The following FOXN3 variants were observed in gnomAD, a reference collection of about 807,000 sequenced individuals.
FOXN3 encodes forkhead box protein N3.
In FOXN3, 7 loss-of-function variants were observed where a neutral mutation model predicts 38.4. The ratio of observed to expected loss-of-function variants is 0.18; its 90% CI spans 0.10 to 0.34. The LOEUF (loss-of-function observed/expected upper bound fraction) is 0.34. Among genes scored for constraint, FOXN3 ranks in the 10% least tolerant of loss-of-function variants. The probability of loss-of-function intolerance (pLI) is 1.00; values close to 1 mark genes in which losing one functional copy is unlikely to be tolerated. For missense variants in FOXN3, 456 were observed against 613.4 expected (o/e 0.74, Z 2.71); for synonymous variants, 230 against 242.2 (o/e 0.95, Z 0.47).
At chr14:89,525,822 A>C (rs1312817009) in intron 1 of FOXN3, among the ~76,000 whole-genome samples, 2 of 152,192 alleles carry the variant, frequency 1.3e-5, no homozygotes, top group East Asian at 3.8e-4. Flanking sequence ...TAGACAAGAA[A>C]ACTAAAAACC....
At chr14:89,458,259 G>A (rs542031498) in intron 1 of FOXN3, among the ~76,000 whole-genome samples, 28 of 152,262 alleles carry the variant, frequency 1.8e-4, no homozygotes, top group African/African-American at 6.3e-4. Context: ...CTTGTCATCC[G>A]AATCATTTCC....
rs867578273 is a variant in FOXN3, at chr14:89,293,817, C to T, written c.681-12803G>A. 2.0e-5 allele frequency among the ~76,000 whole-genome samples: 3 copies of T among 152,134 alleles called. No homozygotes were observed. The South Asian group carries it at 6.2e-4, about 32-fold the overall frequency. On this transcript the variant is annotated intron_variant, in intron 3 of 5. Coordinates refer to ENST00000557258, the MANE Select transcript of FOXN3 (RefSeq NM_005197.4). ...TGGCTATTTCCCTTCCACATGCAGT[C>T]TCTCCAGGCTATACCAAGACACCTG... is the stretch of plus-strand genomic sequence containing the variant.
intron 4 of FOXN3, among the ~76,000 whole-genome samples, chr14:89,250,985 T>C (rs1467154360): frequency 6.6e-6 from 1 of 152,178 alleles, no homozygotes; most frequent in Non-Finnish European, 1.5e-5. Context: ...CTTTATAAAT[T>C]ACTCAGTCTC....
chr14:89,552,786 G>C (rs541802475), intron 1 of FOXN3, among the ~76,000 whole-genome samples: 71 of 152,244 alleles, frequency 4.7e-4, no homozygotes, highest in African/African-American at 1.6e-3. Flanking sequence ...TTGAACCCAG[G>C]AGACGGAGGT....
At chr14:89,588,697 T>C (rs1264929172) in intron 1 of FOXN3, among the ~76,000 whole-genome samples, 2 of 152,226 alleles carry the variant, frequency 1.3e-5, no homozygotes, top group Admixed American at 6.5e-5. Context: ...ACCTGGATGG[T>C]AGCTCTCCTA....
chr14:89,397,084 C>T (rs1891118778), intron 2 of FOXN3, among the ~76,000 whole-genome samples: 1 of 152,082 alleles, frequency 6.6e-6, no homozygotes, highest in South Asian at 2.1e-4. Context: ...GACATATACA[C>T]CATGGAATAC....
chr14:89,471,005 ACAATCC>A (rs543649609), intron 1 of FOXN3, among the ~76,000 whole-genome samples: 136 of 152,340 alleles, frequency 8.9e-4, no homozygotes, highest in African/African-American at 3.1e-3. Context: ...AAACACTGGG[ACAATCC>A]ACAGTGAACA....
intron 4 of FOXN3, among the ~76,000 whole-genome samples, chr14:89,182,623 G>A (rs1226763517): frequency 6.6e-6 from 1 of 152,122 alleles, no homozygotes; most frequent in Non-Finnish European, 1.5e-5. Context: ...GTTAGAATGT[G>A]GTATGCAGCG....
intron 3 of FOXN3, among the ~76,000 whole-genome samples, chr14:89,332,749 T>C (rs1401667680): frequency 6.6e-6 from 1 of 152,082 alleles, no homozygotes; most frequent in Non-Finnish European, 1.5e-5. Flanking sequence ...GGAAATAGTC[T>C]ACAAAATGAA....
chr14:89,405,414 A>T (rs1891362972), intron 2 of FOXN3, among the ~76,000 whole-genome samples: 1 of 152,078 alleles, frequency 6.6e-6, no homozygotes, highest in Non-Finnish European at 1.5e-5. Context: ...GGGATTACAG[A>T]CGTGAGCCAC....
rs537590927 is a variant in FOXN3 at position 89,378,738 on chromosome 14, C to T, written c.544-27930G>A. Reference sequence around the variant, plus strand: ...TTTTTTTTTTTGAGACAGAGTCTCACGCTCTGCAGCCCAAGCTGGAGTGAG... The same window carrying T: ...TTTTTTTTTTTGAGACAGAGTCTCATGCTCTGCAGCCCAAGCTGGAGTGAG... On this transcript the variant is annotated intron_variant, in intron 2 of 5. Transcript: ENST00000557258. 6.7e-5 allele frequency among the ~76,000 whole-genome samples: 10 copies of T among 148,674 alleles called. 1 individual carries two copies. The highest frequency in any genetic ancestry group is 2.1e-4 in the South Asian group (1 of 4,716).
At chr14:89,545,250 C>T (rs8009828) in intron 1 of FOXN3, among the ~76,000 whole-genome samples, 6,226 of 152,306 alleles carry the variant, frequency 0.041, 260 homozygotes, top group African/African-American at 0.089. Flanking sequence ...CAAAAAACTG[C>T]ACATACTGGC....
chr14:89,156,648 TC>T lies in FOXN3; in HGVS notation c.*5765del, dbSNP rs1306120487. On this transcript the variant is annotated 3_prime_UTR_variant, in exon 6 of 6. Transcript: ENST00000557258. Reference sequence around the variant, plus strand: ...ATTGCTTTATCACTTTTTTTTTTTTTCTGTAAAACAAAACAAAACTCAGAAA... The same window carrying T: ...ATTGCTTTATCACTTTTTTTTTTTTTTGTAAAACAAAACAAAACTCAGAAA... 2 of 151,952 alleles carry T rather than the reference TC, an allele frequency of 1.3e-5. No homozygotes were observed. Among genetic ancestry groups the T allele is most frequent in the Admixed American group, 1.3e-4 (2 of 15,258 alleles). The allele number at this position is 151,952 out of a possible 1,614,324, so 9.4% of individuals were successfully genotyped here. A position where few individuals can be genotyped will look rare whatever the true frequency, so the allele number is the denominator to read the frequency against.
intron 1 of FOXN3, among the ~76,000 whole-genome samples, chr14:89,526,979 T>C (rs1266603173): frequency 2.6e-5 from 4 of 151,906 alleles, no homozygotes; most frequent in African/African-American, 9.7e-5. Context: ...AAAAAAGTAA[T>C]TTAGTAGAGA....
rs551483363 is a variant in FOXN3 at position 89,436,912 on chromosome 14, C to T, written c.-14-24422G>A. ...CTGTAATCCCAGCATTTTGGGAGGC[C>T]GAAGCAGGTGGATCACCTGAGGTCA... On this transcript the variant is annotated intron_variant, in intron 1 of 6. Transcript: ENST00000345097. 9.1e-4 allele frequency among the ~76,000 whole-genome samples: 138 copies of T among 152,118 alleles called. 2 individuals carry two copies. The highest frequency in any genetic ancestry group is 3.0e-3 in the African/African-American group (126 of 41,504).
chr14:89,349,382 A>G (rs1469756697), intron 3 of FOXN3, among the ~76,000 whole-genome samples: 1 of 152,196 alleles, frequency 6.6e-6, no homozygotes, highest in Non-Finnish European at 1.5e-5. Context: ...ACACAGACAA[A>G]AGCTGCTACA....
At chr14:89,489,339 G>A (rs898763122) in intron 1 of FOXN3, among the ~76,000 whole-genome samples, 3 of 152,176 alleles carry the variant, frequency 2.0e-5, no homozygotes, top group Admixed American at 6.5e-5. Context: ...TCATCGAGGC[G>A]TTTGGCTACT....
intron 1 of FOXN3, among the ~76,000 whole-genome samples, chr14:89,476,590 C>T (rs146892740): frequency 7.2e-5 from 11 of 152,350 alleles, no homozygotes; most frequent in African/African-American, 2.4e-4. Context: ...GAGAAATCAA[C>T]ATGGACACAT....
At chr14:89,556,571 A>G (rs1596316684) in intron 1 of FOXN3, among the ~76,000 whole-genome samples, 1 of 152,230 alleles carries the variant, frequency 6.6e-6, no homozygotes, top group Middle Eastern at 3.4e-3. Context: ...CTAATACTGA[A>G]TGATGTGGGA....
Sources: gnomAD v4.1 joint callset for allele counts (sites outside exome capture counted in the v4.1 genomes callset) on GRCh38, gnomAD v4.1.1 for gene constraint, MANE v1.5 for transcripts, NCBI Gene and HGNC (gene_info 2026-07-23, HGNC 2026-07-21) for gene names.